The following HPSE2 variants were observed in gnomAD, a reference collection of about 807,000 sequenced individuals.
HPSE2 encodes heparanase 2 (inactive).
HPSE2 carries 38 observed loss-of-function variants against 60.5 expected under a neutral mutation model. That is an observed-to-expected ratio of 0.63 (90% CI 0.48 to 0.82). The LOEUF (loss-of-function observed/expected upper bound fraction) is 0.82. Among genes scored for constraint, HPSE2 ranks in the 40% least tolerant of loss-of-function variants. The pLI is 0.00. For synonymous variants in HPSE2, 295 were observed against 293.2 expected (o/e 1.01, Z -0.06); for missense variants, 713 against 740.4 (o/e 0.96, Z 0.43).
chr10:98,638,872 A>G (rs2134028859), intron 7 of HPSE2, among the ~76,000 whole-genome samples: 1 of 152,348 alleles, frequency 6.6e-6, no homozygotes, highest in South Asian at 2.1e-4. Flanking sequence ...GTAAAAGAGA[A>G]TCAGGGGAAA....
intron 3 of HPSE2, among the ~76,000 whole-genome samples, chr10:98,804,970 T>A (rs970259883): frequency 6.6e-6 from 1 of 152,154 alleles, no homozygotes; most frequent in Non-Finnish European, 1.5e-5. Flanking sequence ...TCAGATCCTG[T>A]CATTTGCAAC....
chr10:98,770,540 G>A (rs900239305), intron 3 of HPSE2, among the ~76,000 whole-genome samples: 2 of 152,126 alleles, frequency 1.3e-5, no homozygotes, highest in African/African-American at 4.8e-5. Flanking sequence ...GTTTATTCCA[G>A]CAAATTATAG....
rs535764389 is a variant in HPSE2 at position 98,642,505 on chromosome 10, C to T, written c.1005-565G>A. On this transcript the variant is annotated intron_variant, in intron 6 of 11. Transcript: ENST00000370552. ...ATATGCTGTGGTTGCCTACTACCTC[C>T]AGAATGAATGAACAAACTAATGATG... 3.9e-5 allele frequency among the ~76,000 whole-genome samples: 6 copies of T among 152,314 alleles called. No homozygotes were observed. The South Asian group carries it at 1.2e-3, about 32-fold the overall frequency.
intron 3 of HPSE2, among the ~76,000 whole-genome samples, chr10:98,866,237 C>A (rs1156274486): frequency 1.3e-5 from 2 of 151,772 alleles, no homozygotes; most frequent in Non-Finnish European, 2.9e-5. Context: ...AAAAAATACA[C>A]AAAGGTTTAA....
intron 2 of HPSE2, among the ~76,000 whole-genome samples, chr10:99,194,883 T>G (rs980590236): frequency 5.9e-5 from 9 of 152,002 alleles, no homozygotes; most frequent in African/African-American, 2.2e-4. Context: ...ACTTCCAAAT[T>G]CATTCTACAA....
intron 3 of HPSE2, among the ~76,000 whole-genome samples, chr10:98,946,653 TG>T (rs1309137855): frequency 3.3e-5 from 5 of 152,112 alleles, no homozygotes; most frequent in Non-Finnish European, 7.4e-5. Flanking sequence ...TTGAATGTTG[TG>T]AAGACATTGT....
In HPSE2 at chr10:98,648,952, C is replaced by T. The variant is rs187074291; in HGVS notation, c.1005-7012G>A. Among the ~76,000 whole-genome samples, 18 of 152,162 alleles carry T rather than the reference C, an allele frequency of 1.2e-4. No individual in the cohort carries two copies. In the East Asian group the frequency reaches 3.5e-3, roughly 29 times the overall value. On this transcript the variant is annotated intron_variant, in intron 6 of 11. Transcript: ENST00000370552. Reference sequence around the variant, plus strand: ...CTGCCCCCATTCCCTTACCCCTTACCACCTAGAACATCCTACAACTCTCAG... The same window carrying T: ...CTGCCCCCATTCCCTTACCCCTTACTACCTAGAACATCCTACAACTCTCAG...
At chr10:98,472,398 C>G (rs1195531899) in intron 11 of HPSE2, among the ~76,000 whole-genome samples, 1 of 152,132 alleles carries the variant, frequency 6.6e-6, no homozygotes, top group Admixed American at 6.6e-5. Context: ...CTTGTCTTTC[C>G]TGCTGAGGGG....
At chr10:99,207,568 A>AAAT in intron 2 of HPSE2, among the ~76,000 whole-genome samples, 1 of 152,174 alleles carries the variant, frequency 6.6e-6, no homozygotes, top group South Asian at 2.1e-4. Context: ...AAAGTACTAA[A>AAAT]AATAATAATG....
At chr10:98,778,579 G>A (rs1365520654) in intron 3 of HPSE2, among the ~76,000 whole-genome samples, 1 of 152,084 alleles carries the variant, frequency 6.6e-6, no homozygotes, top group Non-Finnish European at 1.5e-5. Flanking sequence ...ACTGGGAGGA[G>A]GTGTAAATGG....
intron 3 of HPSE2, among the ~76,000 whole-genome samples, chr10:99,032,543 T>C (rs1957521076): frequency 1.3e-5 from 2 of 152,322 alleles, no homozygotes; most frequent in South Asian, 4.1e-4. Flanking sequence ...TTAAAACCTA[T>C]AGCGGATGAA....
intron 3 of HPSE2, among the ~76,000 whole-genome samples, chr10:99,088,943 C>T (rs946906485): frequency 2.6e-5 from 4 of 152,104 alleles, no homozygotes; most frequent in Non-Finnish European, 4.4e-5. Flanking sequence ...TGAGGTTGAA[C>T]ATTTTTCATG....
intron 3 of HPSE2, among the ~76,000 whole-genome samples, chr10:99,000,992 C>G (rs1956765591): frequency 6.6e-6 from 1 of 152,076 alleles, no homozygotes; most frequent in South Asian, 2.1e-4. Flanking sequence ...ACTTGTCCAC[C>G]CCATTCCTAT....
At position 98,826,788 on chromosome 10, in the gene HPSE2, G is replaced by A. The variant is rs139653155; in HGVS notation, c.611-82732C>T. Among the ~76,000 whole-genome samples the A allele has an allele frequency of 3.9e-3, 601 of 152,292 alleles. 3 individuals carry two copies. The highest frequency in any genetic ancestry group is 0.014 in the African/African-American group (570 of 41,562). On this transcript the variant is annotated intron_variant, in intron 3 of 11. Transcript: ENST00000370552. ...ATTGGGAGTAAATCCACTAGCTCAA[G>A]CTGCCCAGTTGGATGATACCACATA...
chr10:98,743,812 G>T, intron 4 of HPSE2, 71 bp downstream of exon 4: 1 of 1,367,368 alleles, frequency 7.3e-7, no homozygotes, highest in South Asian at 1.2e-5. Context: ...GTCTGATTGA[G>T]ACTGTATCAC....
rs185804026 is a variant in HPSE2, at chr10:98,541,194, C to A, written c.1321-50998G>T. On this transcript the variant is annotated intron_variant, in intron 9 of 11. Transcript: ENST00000370552. ...TCCTTATACTGCAACTCTAGTGTTT[C>A]ATTGTTAAAATTAAATTTTTAAAAG... Among the ~76,000 whole-genome samples the A allele has an allele frequency of 8.3e-3, 1,265 of 152,260 alleles. 6 individuals are homozygous for A. The highest frequency in any genetic ancestry group is 0.014 in the Non-Finnish European group (932 of 68,020).
chr10:99,281,040 C>G, the HPSE2 span, among the ~76,000 whole-genome samples: 2 of 151,952 alleles, frequency 1.3e-5, no homozygotes, highest in Non-Finnish European at 2.9e-5. Flanking sequence ...GTACCTATCT[C>G]ATGAGTTATT....
At chr10:99,132,718 G>C (rs1404613452) in intron 3 of HPSE2, among the ~76,000 whole-genome samples, 1 of 152,142 alleles carries the variant, frequency 6.6e-6, no homozygotes, top group African/African-American at 2.4e-5. Context: ...CACTGCATTT[G>C]TCCCACGGTT....
intron 3 of HPSE2, among the ~76,000 whole-genome samples, chr10:99,016,008 G>C (rs1356063967): frequency 1.3e-5 from 2 of 152,132 alleles, no homozygotes; most frequent in African/African-American, 2.4e-5. Context: ...TCTGTTAATA[G>C]TTTCTTTTGC....
Sources: allele counts gnomAD v4.1 joint callset (sites outside exome capture counted in the v4.1 genomes callset), GRCh38; gene constraint gnomAD v4.1.1; transcripts MANE v1.5; gene names NCBI Gene and HGNC (gene_info 2026-07-23, HGNC 2026-07-21).